The following SMURF2 variants were observed in gnomAD, a reference collection of about 807,000 sequenced individuals.
The protein encoded by SMURF2 is SMAD specific E3 ubiquitin protein ligase 2.
In SMURF2, 48 loss-of-function variants were observed where a neutral mutation model predicts 109.6. The observed-to-expected ratio is 0.44, with a 90% CI of 0.35 to 0.56. The LOEUF is 0.56. SMURF2 is among the 20% of genes least tolerant of loss of function. SMURF2 has a pLI of 0.01. For synonymous variants in SMURF2, 288 were observed against 317.1 expected (o/e 0.91, Z 0.97); for missense variants, 575 against 909.0 (o/e 0.63, Z 4.72).
chr17:64,638,068 T>C (rs1273296329), intron 1 of SMURF2, among the ~76,000 whole-genome samples: 4 of 138,398 alleles, frequency 2.9e-5, no homozygotes, highest in South Asian at 2.3e-4. Context: ...TTTTCTTTTT[T>C]TTTTTTTTTT....
intron 1 of SMURF2, among the ~76,000 whole-genome samples, chr17:64,608,625 C>G (rs1970003868): frequency 6.6e-6 from 1 of 152,164 alleles, no homozygotes; most frequent in Non-Finnish European, 1.5e-5. Flanking sequence ...AAACAAACCA[C>G]TATCCTATGA....
intron 1 of SMURF2, among the ~76,000 whole-genome samples, chr17:64,615,476 A>G (rs1970108405): frequency 6.6e-6 from 1 of 152,236 alleles, no homozygotes; most frequent in Admixed American, 6.5e-5. Flanking sequence ...CTTCAGAAGT[A>G]TCAACTGATG....
intron 10 of SMURF2, among the ~76,000 whole-genome samples, chr17:64,569,299 C>CT (rs1173348405): frequency 8.8e-5 from 13 of 147,082 alleles, no homozygotes; most frequent in African/African-American, 3.2e-4. Context: ...GAAACTCCAT[C>CT]TAAAAAAAAA....
At chr17:64,610,473 C>T (rs7222542) in intron 1 of SMURF2, among the ~76,000 whole-genome samples, 33,255 of 151,968 alleles carry the variant, frequency 0.22, 7,309 homozygotes, top group African/African-American at 0.56. Flanking sequence ...TGGATGAGGC[C>T]GGAAAGCATC....
chr17:64,611,648 C>T (rs995347850), intron 1 of SMURF2, among the ~76,000 whole-genome samples: 1 of 152,172 alleles, frequency 6.6e-6, no homozygotes, highest in Non-Finnish European at 1.5e-5. Context: ...GATGCCAACA[C>T]CTTAGTCCAC....
rs1250089171 is a variant in SMURF2, at chr17:64,591,123, C to T, written c.361G>A (p.Gly121Arg). ...GYQRLDLCKL[G>R]PNDNDTVRGQ... ...CTAACTGTATCATTGTCATTTGGCC[C>T]GAGTTTGCATAAATCCAACCTCTGA... Residue 121 changes from glycine (G) to arginine (R), a missense_variant, in exon 5 of 19, where the codon GGG (glycine) becomes AGG (arginine). By Grantham distance (125) the Gly-to-Arg change is moderately radical (BLOSUM62 -2). This residue lies in a region of SMURF2 where 151 missense variants were observed against 178.4 expected (regional missense o/e 0.85). Transcript: ENST00000262435. 5 of 1,612,742 alleles carry T rather than the reference C, an allele frequency of 3.1e-6. No homozygotes were observed. The highest frequency in any genetic ancestry group is 4.2e-6 in the Non-Finnish European group (5 of 1,179,480).
chr17:64,550,380 TCAGATG>T (rs1303713261), intron 16 of SMURF2, among the ~76,000 whole-genome samples: 5 of 152,224 alleles, frequency 3.3e-5, no homozygotes, highest in Admixed American at 1.3e-4. Context: ...AGTAGGAAAT[TCAGATG>T]CATTTGTTTA....
chr17:64,583,329 C>G (rs1464622671), intron 7 of SMURF2, 132 bp downstream of exon 7: 1 of 672,480 alleles, frequency 1.5e-6, no homozygotes. Flanking sequence ...ACAATGGCAC[C>G]TGTTATAAGA....
intron 1 of SMURF2, among the ~76,000 whole-genome samples, chr17:64,613,223 A>C (rs1970070025): frequency 6.6e-6 from 1 of 152,208 alleles, no homozygotes; most frequent in African/African-American, 2.4e-5. Flanking sequence ...TTCTAATCAC[A>C]GAAGATTGGT....
chr17:64,613,673 A>AGTGTGTGTGTGTGTGT (rs61060865), intron 1 of SMURF2, among the ~76,000 whole-genome samples: 10 of 20,794 alleles, frequency 4.8e-4, no homozygotes, highest in African/African-American at 6.5e-4. Context: ...TCCACGGACC[A>AGTGTGTGTGTGTGTGT]GTGTGTGTGT....
chr17:64,568,214 T>C (rs1257413184), intron 10 of SMURF2, among the ~76,000 whole-genome samples: 1 of 152,122 alleles, frequency 6.6e-6, no homozygotes, highest in Non-Finnish European at 1.5e-5. Context: ...GGTCTCGAAC[T>C]CCTGACCTCA....
Position 64,580,838 on chromosome 17 carries a change from G to A in SMURF2, c.723C>T (p.Tyr241=), listed in dbSNP as rs369403243. Residue 241 remains tyrosine, a synonymous_variant, in exon 8 of 19, where the codon TAC becomes TAT. Coordinates refer to ENST00000262435, the MANE Select transcript of SMURF2 (RefSeq NM_022739.4). ...RRVRSQRHRN[Y]MSRTHLHTPP... ...GAGTATGTAAATGTGTTCTGCTCAT[G>A]TAATTTCTATGTCGTTGTGACCTGA... is the stretch of plus-strand genomic sequence containing the variant. 8.1e-6 allele frequency: 13 copies of A among 1,614,014 alleles called. No homozygotes were observed. The highest frequency in any genetic ancestry group is 4.5e-5 in the East Asian group (2 of 44,896).
chr17:64,651,939 GATAA>G (rs1970645252), intron 1 of SMURF2, among the ~76,000 whole-genome samples: 1 of 152,024 alleles, frequency 6.6e-6, no homozygotes, highest in Non-Finnish European at 1.5e-5. Flanking sequence ...AAGCAAAAAC[GATAA>G]ATACTCATAA....
intron 9 of SMURF2, among the ~76,000 whole-genome samples, chr17:64,576,840 C>T (rs1171161547): frequency 2.1e-5 from 3 of 143,630 alleles, no homozygotes; most frequent in Admixed American, 6.9e-5. Flanking sequence ...GTATGTGTTC[C>T]GTTATTCCCC....
Position 64,662,149 on chromosome 17 carries a change from C to T in SMURF2, c.-269G>A, listed in dbSNP as rs1311720641. The stretch of plus-strand genomic sequence containing the variant: ...GCCGCCCGCGCCGCCTCCGCCCGCG[C>T]CCCCGCCGCCTCCTCGCGGCCGCCG... On this transcript the variant is annotated 5_prime_UTR_variant, in exon 1 of 19. Coordinates refer to ENST00000262435, the MANE Select transcript of SMURF2 (RefSeq NM_022739.4). 1.9e-6 allele frequency: 2 copies of T among 1,034,152 alleles called. No individual in the cohort carries two copies. The highest frequency in any genetic ancestry group is 1.2e-6 in the Non-Finnish European group (1 of 862,654). The allele number at this position is 1,034,152 out of a possible 1,614,324, so 64.1% of individuals were successfully genotyped here.
chr17:64,622,592 T>C (rs1029218994), intron 1 of SMURF2, among the ~76,000 whole-genome samples: 7 of 152,174 alleles, frequency 4.6e-5, no homozygotes, highest in Non-Finnish European at 1.0e-4. Context: ...TAACTTCTCA[T>C]GATTAGACGG....
In SMURF2 at chr17:64,662,140, C is replaced by G; in HGVS notation, c.-260G>C. The G allele has an allele frequency of 9.6e-7, 1 of 1,036,372 alleles. No individual in the cohort carries two copies. Among genetic ancestry groups the G allele is most frequent in the Non-Finnish European group, 1.2e-6 (1 of 863,936 alleles). 64.2% of individuals were successfully genotyped at this position (1,036,372 alleles called of 1,614,324 possible). A position where few individuals can be genotyped will look rare whatever the true frequency, so the allele number is the denominator to read the frequency against. On this transcript the variant is annotated 5_prime_UTR_variant, in exon 1 of 19. Coordinates refer to ENST00000262435, the MANE Select transcript of SMURF2 (RefSeq NM_022739.4). The stretch of plus-strand genomic sequence containing the variant: ...GCAGCCGCGGCCGCCCGCGCCGCCT[C>G]CGCCCGCGCCCCCGCCGCCTCCTCG...
intron 1 of SMURF2, among the ~76,000 whole-genome samples, chr17:64,620,351 A>G (rs183094297): frequency 1.3e-5 from 2 of 152,310 alleles, no homozygotes; most frequent in Non-Finnish European, 2.9e-5. Flanking sequence ...GCTCACCCCT[A>G]ACTGCCACCT....
At chr17:64,597,432 T>C (rs1446045642) in intron 3 of SMURF2, among the ~76,000 whole-genome samples, 5 of 151,962 alleles carry the variant, frequency 3.3e-5, no homozygotes, top group African/African-American at 7.2e-5. Flanking sequence ...GAATTTTTAA[T>C]AATAAAAAAT....
Sources: gnomAD v4.1 joint callset for allele counts (sites outside exome capture counted in the v4.1 genomes callset) on GRCh38, gnomAD v4.1.1 for gene constraint, gnomAD v4.1.1 regional missense constraint, MANE v1.5 for transcripts, NCBI Gene and HGNC (gene_info 2026-07-23, HGNC 2026-07-21) for gene names.